Variants in LARGE1 observed in about 807,000 individuals in gnomAD.
LARGE1 encodes xylosyl- and glucuronyltransferase LARGE1.
In LARGE1, 43 loss-of-function variants were observed where a neutral mutation model predicts 87.6. The ratio of observed to expected loss-of-function variants is 0.49; its 90% CI spans 0.38 to 0.63. The LOEUF is 0.63. Among genes scored for constraint, LARGE1 ranks in the 30% least tolerant of loss-of-function variants. The probability of loss-of-function intolerance (pLI) is 0.00; values close to 1 mark genes in which losing one functional copy is unlikely to be tolerated. For synonymous variants in LARGE1, 434 were observed against 394.6 expected (o/e 1.10, Z -1.18); for missense variants, 802 against 1,000.2 (o/e 0.80, Z 2.67).
At chr22:33,242,672 T>A (rs1602138538) in intron 11 of LARGE1, among the ~76,000 whole-genome samples, 5 of 152,156 alleles carry the variant, frequency 3.3e-5, no homozygotes, top group Admixed American at 3.3e-4. Context: ...GTTGAGCAGT[T>A]AGTGAAAGTG....
At chr22:33,535,001 A>T (rs1252162125) in intron 6 of LARGE1, among the ~76,000 whole-genome samples, 1 of 152,254 alleles carries the variant, frequency 6.6e-6, no homozygotes, top group African/African-American at 2.4e-5. Context: ...TATCCCAAGC[A>T]TCATTATCAC....
intron 6 of LARGE1, among the ~76,000 whole-genome samples, chr22:33,558,245 T>A (rs571198974): frequency 7.2e-5 from 11 of 152,174 alleles, no homozygotes; most frequent in Admixed American, 5.9e-4. Context: ...GGTCATGGGA[T>A]TGTCTTGAAA....
intron 7 of LARGE1, among the ~76,000 whole-genome samples, chr22:33,419,467 C>T (rs997170160): frequency 3.3e-5 from 5 of 151,564 alleles, no homozygotes; most frequent in African/African-American, 2.4e-5. Flanking sequence ...GGCCTTTGCA[C>T]GTGCCGTCCT....
At position 33,706,521 on chromosome 22, in the gene LARGE1, G is replaced by A. The variant is rs1361880279; in HGVS notation, c.106+54850C>T. Among the ~76,000 whole-genome samples, 3 of 152,152 alleles carry A rather than the reference G, an allele frequency of 2.0e-5. No individual in the cohort carries two copies. The East Asian group carries it at 5.8e-4, about 29-fold the overall frequency. Reference sequence around the variant, plus strand: ...GGCCCATAACTCAATGTGTTACCTGGGGTAAGTCAGTCTTGGTCACAGGAC... The same window carrying A: ...GGCCCATAACTCAATGTGTTACCTGAGGTAAGTCAGTCTTGGTCACAGGAC... On this transcript the variant is annotated intron_variant, in intron 2 of 14. Transcript: ENST00000397394.
intron 1 of LARGE1, among the ~76,000 whole-genome samples, chr22:33,837,529 A>T (rs996156925): frequency 6.6e-6 from 1 of 152,194 alleles, no homozygotes; most frequent in African/African-American, 2.4e-5. Context: ...AAACGTAACC[A>T]TTGAAAACAG....
At chr22:33,238,957 G>C (rs1568985691) in intron 11 of LARGE1, among the ~76,000 whole-genome samples, 1 of 151,478 alleles carries the variant, frequency 6.6e-6, no homozygotes, top group Non-Finnish European at 1.5e-5. Flanking sequence ...GAATAGAATG[G>C]AAGCAATAAT....
chr22:33,722,309 GA>G (rs2083129009), intron 2 of LARGE1, among the ~76,000 whole-genome samples: 1 of 143,688 alleles, frequency 7.0e-6, no homozygotes, highest in Non-Finnish European at 1.5e-5. Flanking sequence ...GGGAGAGGGA[GA>G]GGAGGGAGAG....
intron 4 of LARGE1, among the ~76,000 whole-genome samples, chr22:33,613,917 T>G (rs2079511149): frequency 6.6e-6 from 1 of 152,176 alleles, no homozygotes; most frequent in Non-Finnish European, 1.5e-5. Flanking sequence ...TTGAATTTCC[T>G]GCCTGCGTTA....
At position 33,336,155 on chromosome 22, in the gene LARGE1, T is replaced by C. The variant is rs561520672; in HGVS notation, c.1287+1491A>G. ...AGGGCCAACACCAAGCTAGGTGCTTTGCATGCAACTTTTCAGCTACTGTCA... is the reference window on the plus strand; with the variant it reads ...AGGGCCAACACCAAGCTAGGTGCTTCGCATGCAACTTTTCAGCTACTGTCA... On this transcript the variant is annotated intron_variant, in intron 10 of 14. Coordinates refer to ENST00000397394, the MANE Select transcript of LARGE1 (RefSeq NM_133642.5). 9.8e-5 allele frequency among the ~76,000 whole-genome samples: 15 copies of C among 152,340 alleles called. No homozygotes were observed. In the Middle Eastern group the frequency reaches 0.01, roughly 104 times the overall value.
chr22:33,872,355 CTATCTATTATTATTATTATTAT>C (rs2064317326), intron 1 of LARGE1, among the ~76,000 whole-genome samples: 1 of 133,854 alleles, frequency 7.5e-6, no homozygotes, highest in African/African-American at 3.0e-5. Context: ...GCAGTAAATG[CTATCTATTATTATTATTATTAT>C]TATTATTATT....
chr22:33,567,047 C>A (rs989486888), intron 5 of LARGE1, among the ~76,000 whole-genome samples: 4 of 152,162 alleles, frequency 2.6e-5, no homozygotes, highest in Non-Finnish European at 5.9e-5. Flanking sequence ...TCTAGCCCCA[C>A]ACAAAGCATT....
At chr22:33,557,625 G>A (rs564393064) in intron 6 of LARGE1, among the ~76,000 whole-genome samples, 4 of 152,228 alleles carry the variant, frequency 2.6e-5, no homozygotes, top group Non-Finnish European at 4.4e-5. Context: ...GAGTGCAGTG[G>A]TGCAATCTTG....
intron 1 of LARGE1, among the ~76,000 whole-genome samples, chr22:33,860,797 C>CCA (rs1422128189): frequency 1.3e-5 from 2 of 152,194 alleles, no homozygotes; most frequent in African/African-American, 2.4e-5. Context: ...GGCCAGTCCC[C>CCA]CACTCCAGCT....
intron 9 of LARGE1, among the ~76,000 whole-genome samples, chr22:33,363,344 G>T (rs1454432240): frequency 2.0e-5 from 3 of 150,024 alleles, no homozygotes; most frequent in African/African-American, 7.4e-5. Flanking sequence ...GGCTGGGGAG[G>T]CCTCACAATC....
chr22:33,721,849 C>T (rs5999070), intron 2 of LARGE1, among the ~76,000 whole-genome samples: 13,453 of 152,222 alleles, frequency 0.088, 2,034 homozygotes, highest in African/African-American at 0.31. Flanking sequence ...TTATGTACAA[C>T]CCCCATACTG....
intron 2 of LARGE1, among the ~76,000 whole-genome samples, chr22:33,697,471 C>G (rs573429874): frequency 2.9e-5 from 4 of 138,496 alleles, no homozygotes; most frequent in Admixed American, 7.9e-5. Flanking sequence ...CCAAGGCGGG[C>G]GGATCACGAG....
the LARGE1 span, among the ~76,000 whole-genome samples, chr22:33,073,603 C>G: frequency 2.0e-5 from 3 of 152,144 alleles, no homozygotes; most frequent in African/African-American, 4.8e-5. Flanking sequence ...AACACCCAAC[C>G]CTGCAACTTT....
intron 11 of LARGE1, among the ~76,000 whole-genome samples, chr22:33,171,923 C>T (rs1922595604): frequency 1.3e-5 from 2 of 152,194 alleles, no homozygotes. Context: ...GACAGAGGCA[C>T]CATACACCTG....
chr22:33,088,926 G>C, the LARGE1 span, among the ~76,000 whole-genome samples: 1 of 152,140 alleles, frequency 6.6e-6, no homozygotes, highest in African/African-American at 2.4e-5. Context: ...ATTTAAAAGA[G>C]TGCCTGGTAC....
Sources: allele counts gnomAD v4.1 joint callset (sites outside exome capture counted in the v4.1 genomes callset), GRCh38; gene constraint gnomAD v4.1.1; transcripts MANE v1.5; gene names NCBI Gene and HGNC (gene_info 2026-07-23, HGNC 2026-07-21).